The following PTK2 variants were observed in gnomAD, a reference collection of about 807,000 sequenced individuals.
The protein encoded by PTK2 is protein tyrosine kinase 2.
PTK2 carries 45 observed loss-of-function variants against 150.1 expected under a neutral mutation model. The ratio of observed to expected loss-of-function variants is 0.30; its 90% CI spans 0.24 to 0.38. The LOEUF (loss-of-function observed/expected upper bound fraction) is 0.38. PTK2 is among the 10% of genes least tolerant of loss of function. PTK2 has a pLI of 1.00. For synonymous variants in PTK2, 432 were observed against 449.2 expected (o/e 0.96, Z 0.48); for missense variants, 919 against 1,307.3 (o/e 0.70, Z 4.58).
chr8:140,740,684 C>T (rs958117387), intron 20 of PTK2, among the ~76,000 whole-genome samples: 1 of 152,146 alleles, frequency 6.6e-6, no homozygotes, highest in Non-Finnish European at 1.5e-5. Context: ...GAATTTAGCT[C>T]TTTATTGGAA....
At chr8:140,984,202 A>T (rs2100192486) in intron 1 of PTK2, 1 of 153,234 alleles carries the variant, frequency 6.5e-6, no homozygotes, top group Non-Finnish European at 1.5e-5. Flanking sequence ...TTACATAATC[A>T]TGTAGTACAA....
At chr8:140,702,421 G>A in intron 25 of PTK2, 149 bp downstream of exon 28, 1 of 993,300 alleles carries the variant, frequency 1.0e-6, no homozygotes, top group Non-Finnish European at 1.5e-6. Context: ...GTCTCGCTAT[G>A]TTGCCCAGTC....
At chr8:140,875,131 T>A (rs941184685) in intron 4 of PTK2, among the ~76,000 whole-genome samples, 1 of 152,124 alleles carries the variant, frequency 6.6e-6, no homozygotes, top group African/African-American at 2.4e-5. Flanking sequence ...AGCAGTAACA[T>A]TCAAGCACAT....
intron 2 of PTK2, among the ~76,000 whole-genome samples, chr8:140,898,242 A>G (rs1288725317): frequency 6.6e-6 from 1 of 152,244 alleles, no homozygotes; most frequent in Non-Finnish European, 1.5e-5. Context: ...AATTGCTGTA[A>G]GGTGTCTAGA....
At chr8:140,964,141 T>G (rs2100184364) in intron 1 of PTK2, among the ~76,000 whole-genome samples, 1 of 151,608 alleles carries the variant, frequency 6.6e-6, no homozygotes, top group African/African-American at 2.4e-5. Flanking sequence ...TCCATGACCC[T>G]CCTCCCACCT....
intron 2 of PTK2, among the ~76,000 whole-genome samples, chr8:140,894,916 C>G (rs1375433928): frequency 6.6e-6 from 1 of 152,176 alleles, no homozygotes; most frequent in Non-Finnish European, 1.5e-5. Context: ...TAGAAACTGA[C>G]ACTATACCTA....
chr8:140,883,420 T>C (rs66865623), intron 3 of PTK2, among the ~76,000 whole-genome samples: 26,246 of 152,186 alleles, frequency 0.17, 2,694 homozygotes, highest in East Asian at 0.48. Context: ...AATTTTCAGA[T>C]TTATTACTAG....
At chr8:140,937,290 T>G (rs2100173987) in intron 1 of PTK2, among the ~76,000 whole-genome samples, 1 of 152,174 alleles carries the variant, frequency 6.6e-6, no homozygotes, top group Non-Finnish European at 1.5e-5. Context: ...TATACTTACT[T>G]CCTGAGGAAA....
At chr8:140,704,972 C>G (rs2100032845) in intron 24 of PTK2, among the ~76,000 whole-genome samples, 1 of 152,190 alleles carries the variant, frequency 6.6e-6, no homozygotes, top group Non-Finnish European at 1.5e-5. Flanking sequence ...AAATGATTCA[C>G]TCTTGACTCT....
intron 7 of PTK2, among the ~76,000 whole-genome samples, chr8:140,837,972 G>A (rs1212260270): frequency 6.6e-6 from 1 of 151,726 alleles, no homozygotes; most frequent in Non-Finnish European, 1.5e-5. Flanking sequence ...TGAGGCAGGA[G>A]AATTGCTTGA....
chr8:140,845,987 C>T (rs1221278012), intron 7 of PTK2, among the ~76,000 whole-genome samples: 1 of 151,104 alleles, frequency 6.6e-6, no homozygotes, highest in Non-Finnish European at 1.5e-5. Flanking sequence ...CTGTAGAATT[C>T]AATATAAATT....
intron 17 of PTK2, among the ~76,000 whole-genome samples, chr8:140,748,978 C>T (rs1219809869): frequency 1.7e-4 from 26 of 152,172 alleles, no homozygotes; most frequent in Non-Finnish European, 1.0e-4. Context: ...TTTAAAAATA[C>T]GATCAACATG....
At chr8:140,711,516 T>C (rs1405246704) in intron 23 of PTK2, among the ~76,000 whole-genome samples, 3 of 152,234 alleles carry the variant, frequency 2.0e-5, no homozygotes, top group African/African-American at 7.2e-5. Context: ...ATATTTTGTA[T>C]AGTTTGTATA....
intron 1 of PTK2, among the ~76,000 whole-genome samples, chr8:140,988,728 C>CAA (rs71310814): frequency 6.4e-4 from 45 of 69,916 alleles, no homozygotes; most frequent in African/African-American, 1.3e-3. Context: ...GACTCCATCC[C>CAA]AAAAAAAAAA....
intron 13 of PTK2, among the ~76,000 whole-genome samples, chr8:140,791,388 A>G (rs763441456): frequency 9.9e-5 from 15 of 152,112 alleles, no homozygotes; most frequent in Non-Finnish European, 1.8e-4. Context: ...AACTAAAGGT[A>G]CTCTAAATAA....
At chr8:140,752,024 T>G in intron 17 of PTK2, 2 of 701,408 alleles carry the variant, frequency 2.9e-6, no homozygotes. Flanking sequence ...CACATCAATC[T>G]ACCTTTACAC....
intron 7 of PTK2, among the ~76,000 whole-genome samples, chr8:140,841,641 C>G (rs2100122436): frequency 6.6e-6 from 1 of 151,762 alleles, no homozygotes; most frequent in Admixed American, 6.6e-5. Context: ...GCCATATACA[C>G]ATAGTTGAAA....
chr8:140,866,268 G>A (rs1241032091), intron 4 of PTK2, among the ~76,000 whole-genome samples: 1 of 152,014 alleles, frequency 6.6e-6, no homozygotes, highest in Non-Finnish European at 1.5e-5. Context: ...TTATTTTTTT[G>A]GTTGGGGGAA....
At chr8:140,765,382 TATCA>T (rs2100071735) in intron 14 of PTK2, 1 of 152,188 alleles carries the variant, frequency 6.6e-6, no homozygotes, top group African/African-American at 2.4e-5. Context: ...GTCACTGGGA[TATCA>T]ATCATTCCAC....
Sources: allele counts gnomAD v4.1 joint callset (sites outside exome capture counted in the v4.1 genomes callset), GRCh38; gene constraint gnomAD v4.1.1; transcripts MANE v1.5; gene names NCBI Gene and HGNC (gene_info 2026-07-23, HGNC 2026-07-21).